FAM153A: variants seen among roughly 807,000 people sequenced by gnomAD.
FAM153A encodes protein FAM153A.
Under a neutral mutation model 48.1 loss-of-function variants are expected in FAM153A, and 12 were observed. The observed-to-expected ratio is 0.25, with a 90% CI of 0.16 to 0.40. FAM153A has a LOEUF of 0.40. FAM153A is among the 10% of genes least tolerant of loss of function. FAM153A has a pLI of 1.00. For synonymous variants in FAM153A, 36 were observed against 118.2 expected (o/e 0.30, Z 4.51); for missense variants, 111 against 345.8 (o/e 0.32, Z 5.38).
chr5:177,696,711 G>C, the FAM153A span, among the ~76,000 whole-genome samples: 1 of 150,624 alleles, frequency 6.6e-6, no homozygotes, highest in African/African-American at 2.5e-5. Context: ...CTGTTGCCTA[G>C]GCTGGAGTAC....
chr5:177,727,121 CT>C (rs1435668042), intron 18 of FAM153A, among the ~76,000 whole-genome samples: 3 of 151,352 alleles, frequency 2.0e-5, no homozygotes, highest in African/African-American at 4.9e-5. Flanking sequence ...ACTCTCCCCC[CT>C]GGTGATTCCT....
At chr5:177,725,676 A>T (rs62398532) in intron 18 of FAM153A, among the ~76,000 whole-genome samples, 1 of 146,942 alleles carries the variant, frequency 6.8e-6, no homozygotes, top group Non-Finnish European at 1.5e-5. Flanking sequence ...GGAGAAGGAC[A>T]AGGCTGCTGA....
chr5:177,711,522 G>A (rs980407259), exon 27 of FAM153A: 4 of 151,868 alleles, frequency 2.6e-5, no homozygotes, highest in African/African-American at 7.3e-5. Context: ...ATTGTTAGAC[G>A]ATTATAAAAA....
At chr5:177,741,472 C>G in intron 6 of FAM153A, 140 bp from the exon 9 acceptor site, 1 of 741,818 alleles carries the variant, frequency 1.3e-6, no homozygotes, top group Non-Finnish European at 1.9e-6. Context: ...CCAGAACATC[C>G]TCCTTGGTGA....
chr5:177,715,285 T>C (rs1264409547), intron 25 of FAM153A, among the ~76,000 whole-genome samples: 1 of 146,136 alleles, frequency 6.8e-6, no homozygotes, highest in Non-Finnish European at 1.5e-5. Flanking sequence ...CCCGGCCATC[T>C]CTATTTCTTA....
chr5:177,757,744 A>G (rs1415708910), upstream of FAM153A, among the ~76,000 whole-genome samples: 1 of 151,434 alleles, frequency 6.6e-6, no homozygotes, highest in African/African-American at 2.4e-5. Context: ...TTATCTCAAT[A>G]GATGCAGAAA....
intron 1 of FAM153A, among the ~76,000 whole-genome samples, chr5:177,760,236 T>TC (rs1491122649): frequency 0.027 from 728 of 26,870 alleles, 32 homozygotes; most frequent in African/African-American, 0.074. Flanking sequence ...GGGAAAGACC[T>TC]TTTTTTTTTT....
chr5:177,766,048 C>G (rs1306902526), intron 1 of FAM153A, among the ~76,000 whole-genome samples: 1 of 108,818 alleles, frequency 9.2e-6, no homozygotes, highest in Non-Finnish European at 2.1e-5. Context: ...ACTCGGGCGG[C>G]AGAGGTTGCA....
At chr5:177,758,774 T>C (rs1236360419) in intron 1 of FAM153A, among the ~76,000 whole-genome samples, 2 of 147,516 alleles carry the variant, frequency 1.4e-5, no homozygotes, top group East Asian at 3.9e-4. Flanking sequence ...GCTAGCCATA[T>C]GTAGAAAGCT....
the FAM153A span, among the ~76,000 whole-genome samples, chr5:177,698,018 G>A: frequency 6.6e-6 from 1 of 150,998 alleles, no homozygotes; most frequent in Non-Finnish European, 1.5e-5. Context: ...GCAGCTTTTT[G>A]TTTGGGAAGT....
chr5:177,728,859 G>T (rs1763221059), intron 18 of FAM153A, among the ~76,000 whole-genome samples, 164 bp downstream of exon 20: 1 of 146,500 alleles, frequency 6.8e-6, no homozygotes, highest in Admixed American at 6.9e-5. Context: ...GAGCCACTGT[G>T]CCCGGTGTGA....
At chr5:177,735,293 CG>C (rs1228339506) in intron 12 of FAM153A, among the ~76,000 whole-genome samples, 1 of 141,252 alleles carries the variant, frequency 7.1e-6, no homozygotes, top group Non-Finnish European at 1.5e-5. Context: ...AGATTTTGTA[CG>C]GAATAAGAAG....
upstream of FAM153A, among the ~76,000 whole-genome samples, chr5:177,757,670 A>G (rs1767877034): frequency 6.6e-6 from 1 of 151,524 alleles, no homozygotes; most frequent in African/African-American, 2.4e-5. Flanking sequence ...AGGCTGGTTC[A>G]ACATACGCAA....
At chr5:177,714,486 T>A (rs1301460462) in intron 25 of FAM153A, among the ~76,000 whole-genome samples, 2 of 141,630 alleles carry the variant, frequency 1.4e-5, no homozygotes, top group African/African-American at 2.6e-5. Flanking sequence ...TAATGAGTTC[T>A]ATTATTATAG....
upstream of FAM153A, among the ~76,000 whole-genome samples, chr5:177,781,861 G>T: frequency 2.1e-5 from 2 of 93,538 alleles, 1 homozygote; most frequent in South Asian, 8.1e-4. Flanking sequence ...TGGGACTACA[G>T]GCGCCCGCCA....
At chr5:177,696,015 CT>C in the FAM153A span, among the ~76,000 whole-genome samples, 2 of 132,432 alleles carry the variant, frequency 1.5e-5, no homozygotes, top group Non-Finnish European at 1.6e-5. Flanking sequence ...AGAGGCACTC[CT>C]CACTTCCTAG....
chr5:177,755,647 C>T (rs550699151), upstream of FAM153A, among the ~76,000 whole-genome samples: 9 of 151,822 alleles, frequency 5.9e-5, no homozygotes, highest in Non-Finnish European at 1.2e-4. Context: ...TTGGCATAAA[C>T]TCCACAAGCC....
chr5:177,708,459 C>G (rs1406835492), downstream of FAM153A, among the ~76,000 whole-genome samples: 1 of 151,912 alleles, frequency 6.6e-6, no homozygotes, highest in Admixed American at 6.5e-5. Context: ...TGCCTGTAAT[C>G]CCAGCTACTC....
the FAM153A span, among the ~76,000 whole-genome samples, chr5:177,699,523 T>A: frequency 1.3e-5 from 2 of 151,986 alleles, no homozygotes. Flanking sequence ...GGAATGAGAG[T>A]GTAGATGTTA....
Sources: allele counts gnomAD v4.1 joint callset (sites outside exome capture counted in the v4.1 genomes callset), GRCh38; gene constraint gnomAD v4.1.1; transcripts MANE v1.5; gene names NCBI Gene and HGNC (gene_info 2026-07-23, HGNC 2026-07-21).